CNTN1: variants seen among roughly 807,000 people sequenced by gnomAD.
CNTN1 encodes the protein contactin-1.
CNTN1 carries 38 observed loss-of-function variants against 126.4 expected under a neutral mutation model. That is an observed-to-expected ratio of 0.30 (90% CI 0.23 to 0.39). CNTN1 has a LOEUF of 0.39. Among genes scored for constraint, CNTN1 ranks in the 10% least tolerant of loss-of-function variants. CNTN1 has a pLI of 1.00. For missense variants in CNTN1, 1,009 were observed against 1,248.4 expected (o/e 0.81, Z 2.89); for synonymous variants, 413 against 422.6 (o/e 0.98, Z 0.28).
At chr12:40,783,609 A>G (rs1939888789) in intron 1 of CNTN1, among the ~76,000 whole-genome samples, 1 of 152,102 alleles carries the variant, frequency 6.6e-6, no homozygotes, top group Non-Finnish European at 1.5e-5. Context: ...TTTCTTTCAT[A>G]TGGTATTATC....
At chr12:40,735,851 A>C (rs1300082035) in intron 1 of CNTN1, among the ~76,000 whole-genome samples, 1 of 152,118 alleles carries the variant, frequency 6.6e-6, no homozygotes, top group Non-Finnish European at 1.5e-5. Context: ...GTTTGAGTCA[A>C]TAGAAACAAC....
At chr12:41,032,367 CAAAA>C (rs35270939) in intron 23 of CNTN1, among the ~76,000 whole-genome samples, 2 of 78,348 alleles carry the variant, frequency 2.6e-5, no homozygotes. Context: ...GACTCCGTCT[CAAAA>C]AAAAAAAAAA....
chr12:40,962,101 G>A (rs1228266841), intron 15 of CNTN1, among the ~76,000 whole-genome samples: 1 of 152,064 alleles, frequency 6.6e-6, no homozygotes, highest in African/African-American at 2.4e-5. Context: ...AATTATTTCT[G>A]TGTATAAATG....
At chr12:40,973,103 G>A (rs1235277287) in intron 15 of CNTN1, among the ~76,000 whole-genome samples, 1 of 152,000 alleles carries the variant, frequency 6.6e-6, no homozygotes, top group Non-Finnish European at 1.5e-5. Context: ...TCAAGTAGAA[G>A]AATTATACAG....
In CNTN1 at chr12:40,890,910, A is replaced by G. The variant is rs553423014; in HGVS notation, c.-76-17447A>G. Among the ~76,000 whole-genome samples the G allele has an allele frequency of 4.6e-5, 7 of 152,352 alleles. No individual in the cohort carries two copies. The South Asian group carries it at 1.2e-3, about 27-fold the overall frequency. ...TGGTAAGAATATGTTTAACTCTGTT[A>G]GAAACTGCCAAACTGTCTTCCCAAG... On this transcript the variant is annotated intron_variant, in intron 1 of 23. Coordinates refer to ENST00000551295, the MANE Select transcript of CNTN1 (RefSeq NM_001843.4).
chr12:41,040,341 G>A (rs188869129), intron 23 of CNTN1, among the ~76,000 whole-genome samples: 1 of 152,268 alleles, frequency 6.6e-6, no homozygotes, highest in Admixed American at 6.5e-5. Context: ...AATATGAAGA[G>A]TATTAGCAAA....
At chr12:40,793,961 T>C (rs1940315328) in intron 1 of CNTN1, among the ~76,000 whole-genome samples, 1 of 16,356 alleles carries the variant, frequency 6.1e-5, no homozygotes, top group African/African-American at 6.9e-5. Context: ...AGGGAAGTGG[T>C]GGTAAGGGGG....
At chr12:40,975,950 G>A (rs1467750874) in intron 15 of CNTN1, among the ~76,000 whole-genome samples, 1 of 152,170 alleles carries the variant, frequency 6.6e-6, no homozygotes, top group Non-Finnish European at 1.5e-5. Context: ...GTAGGGATAT[G>A]ATATATGAGC....
At position 40,904,398 on chromosome 12, in the gene CNTN1, T is replaced by TCCC. The variant is rs1565916096; in HGVS notation, c.-76-3959_-76-3958insCCC. On this transcript the variant is annotated intron_variant, in intron 1 of 23. Coordinates refer to ENST00000551295, the MANE Select transcript of CNTN1 (RefSeq NM_001843.4). Reference sequence around the variant, plus strand: ...CCTTCCTTCTTTCCTTCCTTCCTTCTTCCCTCCCTCTTTCATTCTTTCTTT... The same window carrying TCCC: ...CCTTCCTTCTTTCCTTCCTTCCTTCTCCCTCCCTCCCTCTTTCATTCTTTCTTT... Among the ~76,000 whole-genome samples, 624 of 148,076 alleles carry TCCC rather than the reference T, an allele frequency of 4.2e-3. 3 individuals carry two copies. The highest frequency in any genetic ancestry group is 0.013 in the African/African-American group (500 of 39,804).
At chr12:40,754,678 T>C (rs1938532485) in intron 1 of CNTN1, among the ~76,000 whole-genome samples, 1 of 152,084 alleles carries the variant, frequency 6.6e-6, no homozygotes, top group South Asian at 2.1e-4. Flanking sequence ...ATTTTCTCTT[T>C]TTCTAGTATT....
chr12:41,009,983 T>C (rs1329531239), intron 17 of CNTN1, among the ~76,000 whole-genome samples: 1 of 152,158 alleles, frequency 6.6e-6, no homozygotes, highest in East Asian at 1.9e-4. Context: ...AAAGCATGTG[T>C]CAATAATAGG....
At chr12:41,036,393 T>C (rs1334919314) in intron 23 of CNTN1, among the ~76,000 whole-genome samples, 1 of 152,114 alleles carries the variant, frequency 6.6e-6, no homozygotes, top group African/African-American at 2.4e-5. Flanking sequence ...AAAGAGTTTT[T>C]TATGGTAATC....
At chr12:40,743,685 G>GTAGA (rs1002721856) in intron 1 of CNTN1, among the ~76,000 whole-genome samples, 8 of 151,982 alleles carry the variant, frequency 5.3e-5, no homozygotes, top group Middle Eastern at 6.8e-3. Flanking sequence ...TAAGCTCCTT[G>GTAGA]TAGATTCTGG....
In CNTN1 at chr12:40,922,343, A is replaced by G. The variant is rs553916945; in HGVS notation, c.315A>G (p.Lys105=). 1.1e-5 allele frequency: 17 copies of G among 1,613,950 alleles called. No individual in the cohort carries two copies. The African/African-American group carries it at 2.3e-4, about 22-fold the overall frequency. The part of the protein sequence containing the change: ...GGNLVINNPD[K]QKDAGIYYCL... ...ACCTTGTTATCAACAACCCTGACAA[A>G]CAGAAAGATGCTGGAATATACTACT... Residue 105 remains lysine (K), a synonymous_variant, in exon 5 of 24, where the codon AAA becomes AAG. Transcript: ENST00000551295.
At position 40,929,932 on chromosome 12, in the gene CNTN1, C is replaced by T. The variant is rs746981200; in HGVS notation, c.633C>T (p.Cys211=). The part of the protein sequence containing the change: ...VEASDKGNYS[C]FVSSPSITKS... ...CTTCCGACAAAGGCAATTATTCCTG[C>T]TTTGTTTCCAGTCCTTCTATTACAA... The change falls in exon 7 of 24, where the codon TGC becomes TGT. Residue 211 remains cysteine, a synonymous_variant. Coordinates refer to ENST00000551295, the MANE Select transcript of CNTN1 (RefSeq NM_001843.4). 37 of 1,612,822 alleles carry T rather than the reference C, an allele frequency of 2.3e-5. No homozygotes were observed. The highest frequency in any genetic ancestry group is 2.0e-4 in the East Asian group (9 of 44,874).
intron 1 of CNTN1, among the ~76,000 whole-genome samples, chr12:40,747,416 C>CA (rs1306567278): frequency 4.0e-5 from 6 of 150,940 alleles, no homozygotes; most frequent in African/African-American, 1.2e-4. Flanking sequence ...GAATTATAGA[C>CA]AAAAAAAGAT....
At chr12:40,733,273 T>A (rs1942542705) in intron 1 of CNTN1, among the ~76,000 whole-genome samples, 1 of 147,804 alleles carries the variant, frequency 6.8e-6, no homozygotes, top group Admixed American at 6.7e-5. Flanking sequence ...TAAGGCTATA[T>A]TTTTTTTGCT....
At chr12:40,969,178 G>A (rs1162991019) in intron 15 of CNTN1, among the ~76,000 whole-genome samples, 1 of 152,066 alleles carries the variant, frequency 6.6e-6, no homozygotes, top group African/African-American at 2.4e-5. Flanking sequence ...CCAGTCTCGT[G>A]ACTATGCAGT....
intron 17 of CNTN1, among the ~76,000 whole-genome samples, chr12:41,006,852 T>TA (rs34572177): frequency 0.02 from 2,972 of 152,236 alleles, 51 homozygotes; most frequent in Non-Finnish European, 0.023. Context: ...GATGGCTGGG[T>TA]AGCTGGGTGG....
Sources: allele counts gnomAD v4.1 joint callset (sites outside exome capture counted in the v4.1 genomes callset), GRCh38; gene constraint gnomAD v4.1.1; transcripts MANE v1.5; gene names NCBI Gene and HGNC (gene_info 2026-07-23, HGNC 2026-07-21).